CDH18: variants seen among roughly 807,000 people sequenced by gnomAD.
The protein encoded by CDH18 is cadherin-18.
In CDH18, 31 loss-of-function variants were observed where a neutral mutation model predicts 67.9. That is an observed-to-expected ratio of 0.46 (90% CI 0.34 to 0.62). CDH18 has a LOEUF of 0.62. Among genes scored for constraint, CDH18 ranks in the 20% least tolerant of loss-of-function variants. CDH18 has a pLI of 0.01. For synonymous variants in CDH18, 362 were observed against 347.2 expected (o/e 1.04, Z -0.48); for missense variants, 890 against 975.5 (o/e 0.91, Z 1.17).
In CDH18 at chr5:20,246,111, G is replaced by A. The variant is rs149895829; in HGVS notation, c.-518+9333C>T. On this transcript the variant is annotated intron_variant, in intron 2 of 14. Coordinates refer to the CDH18 transcript ENST00000507958. ...TCATAAGGTGTTGCTAAATACAAAA[G>A]TAGTAGGACCAAACAACTACTTACT... Among the ~76,000 whole-genome samples, 179 of 152,266 alleles carry A rather than the reference G, an allele frequency of 1.2e-3. 2 individuals carry two copies. The highest frequency in any genetic ancestry group is 2.6e-4 in the Non-Finnish European group (18 of 68,012).
At chr5:20,010,871 A>G (rs143964909) in intron 2 of CDH18, among the ~76,000 whole-genome samples, 287 of 152,258 alleles carry the variant, frequency 1.9e-3, no homozygotes, top group African/African-American at 6.7e-3. Flanking sequence ...TCACGTGTAT[A>G]CCTCTAGACA....
At chr5:19,908,206 AATATG>A (rs2150130670) in intron 2 of CDH18, among the ~76,000 whole-genome samples, 1 of 152,234 alleles carries the variant, frequency 6.6e-6, no homozygotes, top group Non-Finnish European at 1.5e-5. Flanking sequence ...CAGTGGAACT[AATATG>A]ATAACTCCTT....
chr5:20,154,639 T>C (rs1751382913), intron 2 of CDH18, among the ~76,000 whole-genome samples: 1 of 152,164 alleles, frequency 6.6e-6, no homozygotes, highest in Non-Finnish European at 1.5e-5. Context: ...CCATTCTTTA[T>C]GATTATTGCA....
chr5:19,805,466 T>A (rs907183332), intron 3 of CDH18, among the ~76,000 whole-genome samples: 5 of 152,180 alleles, frequency 3.3e-5, no homozygotes, highest in African/African-American at 1.2e-4. Flanking sequence ...GATATCCATA[T>A]GTGTTTTCCT....
At chr5:20,492,519 A>G (rs770712146) in intron 1 of CDH18, among the ~76,000 whole-genome samples, 87 of 152,284 alleles carry the variant, frequency 5.7e-4, no homozygotes, top group Non-Finnish European at 1.0e-3. Context: ...ACAGTTCTTC[A>G]TTTCAAATGT....
At chr5:19,625,430 G>T (rs1751389637) in intron 5 of CDH18, among the ~76,000 whole-genome samples, 1 of 150,514 alleles carries the variant, frequency 6.6e-6, no homozygotes. Flanking sequence ...AAATCATATT[G>T]TCCTCAAATA....
chr5:19,851,475 T>A (rs1328168917), intron 2 of CDH18, among the ~76,000 whole-genome samples: 1 of 149,266 alleles, frequency 6.7e-6, no homozygotes, highest in Non-Finnish European at 1.5e-5. Flanking sequence ...CCTTCTACCT[T>A]CCAAATGAAT....
chr5:19,678,969 A>G lies in CDH18; in HGVS notation c.643+42378T>C, dbSNP rs115544609. 7.5e-3 allele frequency among the ~76,000 whole-genome samples: 1,136 copies of G among 152,128 alleles called. 15 individuals are homozygous for G. The highest frequency in any genetic ancestry group is 0.026 in the African/African-American group (1,076 of 41,554). On this transcript the variant is annotated intron_variant, in intron 5 of 12. Transcript: ENST00000382275. ...TTCATGAGGTTTGCATAATTCTGAT[A>G]TCAAAACCAGACAGAGACACAATGG...
At chr5:19,974,736 T>G (rs1047284942) in intron 2 of CDH18, among the ~76,000 whole-genome samples, 1 of 152,018 alleles carries the variant, frequency 6.6e-6, no homozygotes. Context: ...TACTAGTTCA[T>G]ATAGATTGGT....
chr5:20,448,282 CTTTT>C (rs750043009), intron 1 of CDH18, among the ~76,000 whole-genome samples: 1 of 144,826 alleles, frequency 6.9e-6, no homozygotes, highest in Non-Finnish European at 1.5e-5. Context: ...GCCACATTTT[CTTTT>C]TTTTTTTGAG....
chr5:20,060,093 C>T (rs1374093675), intron 2 of CDH18, among the ~76,000 whole-genome samples: 1 of 152,080 alleles, frequency 6.6e-6, no homozygotes, highest in Non-Finnish European at 1.5e-5. Flanking sequence ...CGTGCACATT[C>T]TGCACATATA....
chr5:19,796,858 G>T (rs1378072743), intron 3 of CDH18, among the ~76,000 whole-genome samples: 1 of 151,058 alleles, frequency 6.6e-6, no homozygotes, highest in Non-Finnish European at 1.5e-5. Flanking sequence ...CTATGTTTGT[G>T]GTAACCCCTA....
At chr5:20,196,508 G>A (rs888548199) in intron 2 of CDH18, among the ~76,000 whole-genome samples, 1 of 152,156 alleles carries the variant, frequency 6.6e-6, no homozygotes, top group African/African-American at 2.4e-5. Context: ...AGTATTAAAT[G>A]TGTAGTATCG....
At chr5:19,475,719 T>A (rs1050606417) in intron 12 of CDH18, among the ~76,000 whole-genome samples, 1 of 152,066 alleles carries the variant, frequency 6.6e-6, no homozygotes, top group African/African-American at 2.4e-5. Context: ...TATATACAGA[T>A]ATAGATATAT....
At position 19,593,710 on chromosome 5, in the gene CDH18, T is replaced by TCCTC. The variant is rs1561425870; in HGVS notation, c.812-2467_812-2466insGAGG. The stretch of plus-strand genomic sequence containing the variant: ...TTCTCTTCCTCTTCCTCCTCCTCCT[T>TCCTC]CTTCTTCTTCTTCTTCTTCTTCTTC... On this transcript the variant is annotated intron_variant, in intron 6 of 12. Coordinates refer to ENST00000382275, the MANE Select transcript of CDH18 (RefSeq NM_004934.5). 2.4e-3 allele frequency among the ~76,000 whole-genome samples: 21 copies of TCCTC among 8,726 alleles called. 1 individual carries two copies. The highest frequency in any genetic ancestry group is 6.3e-3 in the African/African-American group (10 of 1,600). The allele number at this position is 8,726 out of a possible 152,430, so 5.7% of individuals were successfully genotyped here. A position where few individuals can be genotyped will look rare whatever the true frequency, so the allele number is the denominator to read the frequency against.
intron 2 of CDH18, among the ~76,000 whole-genome samples, chr5:20,245,244 T>G (rs956872042): frequency 1.3e-5 from 2 of 152,150 alleles, no homozygotes; most frequent in African/African-American, 4.8e-5. Context: ...GATGGCATTA[T>G]ATTGTAGCAC....
At chr5:20,145,154 A>T (rs916342234) in intron 2 of CDH18, among the ~76,000 whole-genome samples, 4 of 152,106 alleles carry the variant, frequency 2.6e-5, no homozygotes, top group South Asian at 2.1e-4. Context: ...GCCCTTTTTT[A>T]AAAAAATAAA....
chr5:20,147,134 A>G (rs2126549592), intron 2 of CDH18, among the ~76,000 whole-genome samples: 1 of 152,298 alleles, frequency 6.6e-6, no homozygotes, highest in East Asian at 1.9e-4. Context: ...CTCATTTTCA[A>G]TTTTAAGAGA....
intron 2 of CDH18, among the ~76,000 whole-genome samples, chr5:20,125,687 T>A (rs763844857): frequency 3.3e-5 from 5 of 152,202 alleles, no homozygotes; most frequent in Admixed American, 6.5e-5. Flanking sequence ...TATGACTGCA[T>A]ATGACATGCA....
Sources: gnomAD v4.1 joint callset for allele counts (sites outside exome capture counted in the v4.1 genomes callset) on GRCh38, gnomAD v4.1.1 for gene constraint, MANE v1.5 for transcripts, NCBI Gene and HGNC (gene_info 2026-07-23, HGNC 2026-07-21) for gene names.